Variants in ZNF624 observed in about 807,000 individuals in gnomAD.
The protein encoded by ZNF624 is zinc finger protein 624.
Under a neutral mutation model 74.7 loss-of-function variants are expected in ZNF624, and 43 were observed. The observed-to-expected ratio is 0.58, with a 90% CI of 0.45 to 0.74. The LOEUF is 0.74. Among genes scored for constraint, ZNF624 ranks in the 30% least tolerant of loss-of-function variants. The probability of loss-of-function intolerance (pLI) is 0.00; values close to 1 mark genes in which losing one functional copy is unlikely to be tolerated. For missense variants in ZNF624, 820 were observed against 1,030.0 expected, an observed-to-expected ratio of 0.80 and a Z score of 2.79; for synonymous variants, 331 against 341.3, an observed-to-expected ratio of 0.97 and a Z score of 0.33.
chr17:16,617,674 CG>C (rs1436778667), downstream of ZNF624: 32 of 1,605,566 alleles, frequency 2.0e-5, no homozygotes, highest in African/African-American at 2.7e-5. Context: ...GGGCCCCGGG[CG>C]TGCTCTACGA....
chr17:16,647,612 T>C (rs1909624911), intron 2 of ZNF624, among the ~76,000 whole-genome samples: 2 of 152,204 alleles, frequency 1.3e-5, no homozygotes, highest in Admixed American at 6.5e-5. Context: ...TTGAAAAAGA[T>C]ATAACTGCTT....
chr17:16,653,168 T>C (rs1167167447), intron 1 of ZNF624, among the ~76,000 whole-genome samples: 42 of 152,214 alleles, frequency 2.8e-4, no homozygotes, highest in Non-Finnish European at 7.3e-5. Flanking sequence ...AATAATACCA[T>C]TGTCATGTCA....
chr17:16,629,763 C>T (rs895100742), intron 5 of ZNF624, among the ~76,000 whole-genome samples: 3 of 152,128 alleles, frequency 2.0e-5, no homozygotes, highest in Middle Eastern at 3.2e-3. Context: ...GACGGGGTTT[C>T]ACCATGTTGC....
Position 16,623,687 on chromosome 17 carries a change from T to A in ZNF624, c.1199A>T (p.Lys400Ile). 1 of 1,609,572 alleles carries A rather than the reference T, an allele frequency of 6.2e-7. No individual in the cohort carries two copies. The highest frequency in any genetic ancestry group is 1.1e-5 in the South Asian group (1 of 89,974). Reference protein sequence around the residue: ...CSECGKAFSDKSKLARHQETH... With the variant: ...CSECGKAFSDISKLARHQETH... ...TTCCTGATGTCTTGCAAGTTTTGAT[T>A]TATCACTAAAAGCTTTCCCGCATTC... The change falls in exon 6 of 6, where the codon AAA (lysine) becomes ATA (isoleucine). Residue 400 changes from lysine (K) to isoleucine (I), a missense_variant. Lys to Ile is a moderately radical substitution (Grantham distance 102). Coordinates refer to ENST00000311331, the MANE Select transcript of ZNF624 (RefSeq NM_020787.4). The surrounding 1 kb of genome is among the most constrained non-coding windows in gnomAD (Gnocchi z 5.3).
chr17:16,646,539 C>T (rs1909596215), intron 3 of ZNF624, among the ~76,000 whole-genome samples: 1 of 152,114 alleles, frequency 6.6e-6, no homozygotes, highest in African/African-American at 2.4e-5. Flanking sequence ...CTTGACAAGA[C>T]AGGTTTAAAG....
At chr17:16,638,307 G>A (rs912229039) in intron 3 of ZNF624, among the ~76,000 whole-genome samples, 5 of 152,158 alleles carry the variant, frequency 3.3e-5, no homozygotes, top group Admixed American at 6.5e-5. Flanking sequence ...TCAGTGTGGC[G>A]ATTCCTCAGG....
At chr17:16,626,043 G>T (rs572372262) in intron 5 of ZNF624, among the ~76,000 whole-genome samples, 8 of 151,984 alleles carry the variant, frequency 5.3e-5, no homozygotes, top group Non-Finnish European at 8.8e-5. Context: ...TCCACCTCCT[G>T]GGTTCAAGTG....
At chr17:16,641,054 A>C (rs961332285) in intron 3 of ZNF624, among the ~76,000 whole-genome samples, 7 of 152,220 alleles carry the variant, frequency 4.6e-5, no homozygotes, top group Non-Finnish European at 1.0e-4. Context: ...CAAAAAAATC[A>C]ATCAATAGAA....
intron 3 of ZNF624, among the ~76,000 whole-genome samples, chr17:16,643,295 A>G (rs1356336906): frequency 6.6e-6 from 1 of 152,256 alleles, no homozygotes; most frequent in Non-Finnish European, 1.5e-5. Context: ...TGACAAACGG[A>G]TAAGTGATAT....
intron 5 of ZNF624, among the ~76,000 whole-genome samples, chr17:16,633,123 T>C (rs1909244231): frequency 6.6e-6 from 1 of 152,218 alleles, no homozygotes; most frequent in Non-Finnish European, 1.5e-5. Context: ...CTCTTTCTTA[T>C]CCTCCAATTT....
intron 3 of ZNF624, among the ~76,000 whole-genome samples, chr17:16,644,651 G>A (rs79912584): frequency 6.6e-6 from 1 of 152,108 alleles, no homozygotes. Flanking sequence ...GATAGAGTTC[G>A]AGAAAGTAAA....
rs778773023 is a variant in ZNF624 at position 16,622,388 on chromosome 17, T to G, written c.2498A>C (p.Glu833Ala). The change falls in exon 6 of 6, where the codon GAA (glutamate) becomes GCA (alanine). Residue 833 changes from glutamate (E) to alanine (A), a missense_variant. Physicochemically the swap from Glu to Ala is moderately radical, Grantham distance 107. Transcript: ENST00000311331. ...FTVHLRMHTG[E>A]KPYKCNECGK... ...ACATTCATTACATTTATAGGGTTTT[T>G]CTCCAGTATGCATCCTCAAGTGTAC... 2.5e-6 allele frequency: 4 copies of G among 1,613,818 alleles called. No homozygotes were observed. In the African/African-American group the frequency reaches 5.3e-5, roughly 22 times the overall value.
At chr17:16,617,856 A>C, downstream of ZNF624, 1 of 1,610,242 alleles carries the variant, frequency 6.2e-7, no homozygotes, top group Non-Finnish European at 8.5e-7. Flanking sequence ...GTTGTAGCTT[A>C]GGCGTCCTAT....
chr17:16,625,034 CAA>C (rs71152822), intron 5 of ZNF624, among the ~76,000 whole-genome samples: 37 of 103,544 alleles, frequency 3.6e-4, no homozygotes, highest in Admixed American at 3.0e-4. Flanking sequence ...ACGACTGTCT[CAA>C]AAAAAAAAAA....
intron 3 of ZNF624, among the ~76,000 whole-genome samples, chr17:16,640,190 A>G (rs1909434408): frequency 6.6e-6 from 1 of 152,220 alleles, no homozygotes; most frequent in South Asian, 2.1e-4. Flanking sequence ...AAAGAGTCCC[A>G]TAAGACAAGA....
the ZNF624 span, among the ~76,000 whole-genome samples, chr17:16,614,251 T>C: frequency 6.6e-6 from 1 of 151,964 alleles, no homozygotes; most frequent in Non-Finnish European, 1.5e-5. Context: ...ATTAGCTCTA[T>C]AAAAGTAGGT....
At chr17:16,640,377 T>G (rs142286367) in intron 3 of ZNF624, among the ~76,000 whole-genome samples, 232 of 152,036 alleles carry the variant, frequency 1.5e-3, no homozygotes, top group African/African-American at 5.3e-3. Flanking sequence ...GTGAACTAAA[T>G]TTTTTAGGAA....
At chr17:16,614,565 T>G in the ZNF624 span, among the ~76,000 whole-genome samples, 1 of 152,160 alleles carries the variant, frequency 6.6e-6, no homozygotes, top group East Asian at 1.9e-4. Flanking sequence ...ACTCTGGTAA[T>G]TTTTACACAC....
intron 2 of ZNF624, 94 bp downstream of exon 2, chr17:16,649,564 T>C: frequency 9.1e-7 from 1 of 1,096,438 alleles, no homozygotes; most frequent in Non-Finnish European, 1.4e-6. Context: ...CCAGAAGGGG[T>C]GTCGGGGGAA....
Sources: allele counts gnomAD v4.1 joint callset (sites outside exome capture counted in the v4.1 genomes callset), GRCh38; gene constraint gnomAD v4.1.1; non-coding constraint Gnocchi (gnomAD v3.1); transcripts MANE v1.5; gene names NCBI Gene and HGNC (gene_info 2026-07-23, HGNC 2026-07-21).